The following TAS1R2 variants were observed in gnomAD, a reference collection of about 807,000 sequenced individuals.
The protein encoded by TAS1R2 is taste receptor type 1 member 2.
A neutral mutation model predicts 49.3 loss-of-function variants in TAS1R2; 47 were observed. The ratio of observed to expected loss-of-function variants is 0.95; its 90% confidence interval spans 0.75 to 1.22. The LOEUF is 1.22. Ranked by LOEUF, TAS1R2 falls within the 50% of genes most tolerant of loss-of-function variation. The pLI, the probability that TAS1R2 is intolerant of heterozygous loss-of-function variation, is 0.00. For missense variants in TAS1R2, 1,155 were observed against 1,122.1 expected (o/e 1.03, Z -0.42); for synonymous variants, 479 against 467.9 (o/e 1.02, Z -0.31).
At chr1:18,846,412 G>C (rs1331949497) in intron 4 of TAS1R2, among the ~76,000 whole-genome samples, 1 of 152,160 alleles carries the variant, frequency 6.6e-6, no homozygotes, top group African/African-American at 2.4e-5. Flanking sequence ...AACTTTCCCT[G>C]TTCCCTGTGG....
intron 4 of TAS1R2, among the ~76,000 whole-genome samples, chr1:18,842,277 G>T (rs929209783): frequency 6.6e-6 from 1 of 152,108 alleles, no homozygotes; most frequent in East Asian, 1.9e-4. Context: ...CCTAATCACA[G>T]GATTACAGAA....
intron 2 of TAS1R2, among the ~76,000 whole-genome samples, chr1:18,855,238 C>T (rs984674134): frequency 6.7e-6 from 1 of 150,196 alleles, no homozygotes. Flanking sequence ...CTGTGTACCA[C>T]ACCCTGGGCC....
chr1:18,846,571 TC>T (rs1426274729), intron 4 of TAS1R2, among the ~76,000 whole-genome samples: 1 of 152,170 alleles, frequency 6.6e-6, no homozygotes, highest in Non-Finnish European at 1.5e-5. Context: ...CTGCTTAAAG[TC>T]CTAGTCCCCA....
At chr1:18,840,677 T>G in intron 5 of TAS1R2, 150 bp from the exon 6 acceptor site, 1 of 745,070 alleles carries the variant, frequency 1.3e-6, no homozygotes, top group Admixed American at 2.6e-5. Flanking sequence ...AAGTCTCATG[T>G]GCATTGGCTC....
At chr1:18,841,983 A>T in intron 4 of TAS1R2, 131 bp from the exon 5 acceptor site, 27 of 659,998 alleles carry the variant, frequency 4.1e-5, no homozygotes, top group Non-Finnish European at 4.5e-5. Flanking sequence ...TGGAAACTGT[A>T]GAAAAAAAAA....
rs1480101566 is a variant in TAS1R2, at chr1:18,854,986, T to C, written c.484A>G (p.Ile162Val). ...TCATCGCTGATGGCGCTGTAGGTGA[T>C]CTGCAAGGGGAAGGGCTGTGGCATG... Residue 162 changes from isoleucine to valine, a missense_variant and splice_region_variant, in exon 3 of 6, where the codon ATC (isoleucine) becomes GTC (valine). Transcript: ENST00000375371. The surrounding 1 kb of genome is among the most constrained non-coding windows in gnomAD (Gnocchi z 4.9). 3.1e-6 allele frequency: 5 copies of C among 1,601,422 alleles called. No homozygotes were observed. The African/African-American group carries it at 6.7e-5, about 21-fold the overall frequency.
chr1:18,843,219 C>T (rs1933858328), intron 4 of TAS1R2, among the ~76,000 whole-genome samples: 1 of 152,224 alleles, frequency 6.6e-6, no homozygotes, highest in African/African-American at 2.4e-5. Flanking sequence ...ATATTCATGA[C>T]ACCGTGGTAA....
chr1:18,841,487 G>A (rs978940088), intron 5 of TAS1R2, among the ~76,000 whole-genome samples: 9 of 152,326 alleles, frequency 5.9e-5, no homozygotes, highest in African/African-American at 2.2e-4. Context: ...GTCCAGCGTG[G>A]GGGAGTGTCG....
chr1:18,859,491 G>A (rs2100530799), exon 1 of TAS1R2: 1 of 1,614,088 alleles, frequency 6.2e-7, no homozygotes, highest in Non-Finnish European at 8.5e-7. Context: ...CTTGCACATG[G>A]GCACCTGCAG....
exon 1 of TAS1R2, chr1:18,859,549 G>A (rs1360666547): frequency 6.2e-6 from 10 of 1,614,190 alleles, no homozygotes; most frequent in Non-Finnish European, 8.5e-6. Context: ...AGGGAGAAGA[G>A]GCCACCCAGG....
At position 18,854,020 on chromosome 1, in the gene TAS1R2, C is replaced by G. The variant is rs1424916303; in HGVS notation, c.1257+193G>C. Among the ~76,000 whole-genome samples the G allele has an allele frequency of 6.6e-6, 1 of 152,202 alleles. No individual in the cohort carries two copies. The highest frequency in any genetic ancestry group is 2.4e-5 in the African/African-American group (1 of 41,444). On this transcript the variant is annotated intron_variant, in intron 3 of 5. Transcript: ENST00000375371. This position sits in a 1 kb window ranked among gnomAD's most constrained non-coding sequence, Gnocchi z 4.9. ...TCTGGTGAATTCCACCTGAATCTCCCAAGAACAGACTACTATCTTGAATGG... is the reference window on the plus strand; with the variant it reads ...TCTGGTGAATTCCACCTGAATCTCCGAAGAACAGACTACTATCTTGAATGG...
chr1:18,852,356 C>A (rs1033735564), intron 3 of TAS1R2, among the ~76,000 whole-genome samples: 1 of 152,192 alleles, frequency 6.6e-6, no homozygotes, highest in Non-Finnish European at 1.5e-5. Flanking sequence ...CCCATTCAGG[C>A]CACAAAGCCA....
At chr1:18,842,588 A>T (rs1933848345) in intron 4 of TAS1R2, among the ~76,000 whole-genome samples, 1 of 152,268 alleles carries the variant, frequency 6.6e-6, no homozygotes, top group South Asian at 2.1e-4. Context: ...GACATGTGGA[A>T]ATTAAACAAC....
intron 3 of TAS1R2, among the ~76,000 whole-genome samples, chr1:18,852,675 A>C (rs900637039): frequency 2.0e-5 from 3 of 152,144 alleles, no homozygotes; most frequent in African/African-American, 7.2e-5. Flanking sequence ...TAACACCTGC[A>C]GTTCCCGTCG....
At chr1:18,840,230 C>T in exon 6 of TAS1R2, 1 of 1,614,140 alleles carries the variant, frequency 6.2e-7, no homozygotes, top group Non-Finnish European at 8.5e-7. Flanking sequence ...GCGGCAGAGG[C>T]AGGTGGAGAC....
intron 1 of TAS1R2, chr1:18,858,335 T>TAACACCATCACC (rs985686313): frequency 2.9e-5 from 4 of 139,302 alleles, no homozygotes; most frequent in African/African-American, 1.1e-4. Context: ...ACACCATCAC[T>TAACACCATCACC]AACACCATCA....
intron 4 of TAS1R2, among the ~76,000 whole-genome samples, chr1:18,846,922 G>A (rs1007695387): frequency 2.2e-4 from 34 of 152,218 alleles, no homozygotes; most frequent in African/African-American, 7.5e-4. Context: ...TCCTGATTGT[G>A]AGTGAGTTCT....
chr1:18,851,263 T>C (rs540121002), intron 3 of TAS1R2, among the ~76,000 whole-genome samples: 20 of 152,158 alleles, frequency 1.3e-4, no homozygotes, highest in Middle Eastern at 3.4e-3. Flanking sequence ...AATAAAAGGA[T>C]TGGACCAGAA....
chr1:18,852,370 G>A (rs1934045477), intron 3 of TAS1R2, among the ~76,000 whole-genome samples: 1 of 152,182 alleles, frequency 6.6e-6, no homozygotes, highest in Non-Finnish European at 1.5e-5. Flanking sequence ...AAAGCCATGT[G>A]CCTGCCACAG....
Sources: allele counts gnomAD v4.1 joint callset (sites outside exome capture counted in the v4.1 genomes callset), GRCh38; gene constraint gnomAD v4.1.1; non-coding constraint Gnocchi (gnomAD v3.1); transcripts MANE v1.5; gene names NCBI Gene and HGNC (gene_info 2026-07-23, HGNC 2026-07-21).